RGL1: variants seen among roughly 807,000 people sequenced by gnomAD.
RGL1 encodes ral guanine nucleotide dissociation stimulator like 1.
In RGL1, 24 loss-of-function variants were observed where a neutral mutation model predicts 95.2. That is an observed-to-expected ratio of 0.25 (90% CI 0.18 to 0.35). The LOEUF (loss-of-function observed/expected upper bound fraction) is 0.35. RGL1 is among the 10% of genes least tolerant of loss of function. RGL1 has a pLI of 1.00. For synonymous variants in RGL1, 329 were observed against 344.9 expected, an observed-to-expected ratio of 0.95 and a Z score of 0.51; for missense variants, 715 against 936.3, an observed-to-expected ratio of 0.76 and a Z score of 3.08.
intron 1 of RGL1, among the ~76,000 whole-genome samples, chr1:183,738,105 A>G (rs1411924187): frequency 1.3e-5 from 2 of 152,176 alleles, no homozygotes; most frequent in Non-Finnish European, 2.9e-5. Flanking sequence ...GTTGTCTTGT[A>G]AGCCTTGACT....
In RGL1 at chr1:183,742,311, C is replaced by G. The variant is rs372779103; in HGVS notation, c.132+22C>G. The G allele has an allele frequency of 1.9e-6, 3 of 1,613,534 alleles. No individual in the cohort carries two copies. The East Asian group carries it at 6.7e-5, about 36-fold the overall frequency. On this transcript the variant is annotated intron_variant, in intron 2 of 18. Coordinates refer to the RGL1 transcript ENST00000304685. ...GGAGGTAAGATGACTCTAAATGACA[C>G]AGTTGGTGAAATGTTGGATTTGTTT...
In RGL1 at chr1:183,669,144, A is replaced by G. The variant is rs529442475; in HGVS notation, c.-33+32643A>G. Among the ~76,000 whole-genome samples, 75 of 151,956 alleles carry G rather than the reference A, an allele frequency of 4.9e-4. 1 individual carries two copies. In the South Asian group the frequency reaches 0.015, roughly 30 times the overall value. On this transcript the variant is annotated intron_variant, in intron 1 of 18. Transcript: ENST00000304685. ...TTTTTAGTAGAGATGGGGTTTCACC[A>G]TGTTGGCCAGGATGGTCTCAATCTC...
At chr1:183,906,096 G>A (rs181309992) in intron 13 of RGL1, among the ~76,000 whole-genome samples, 13 of 151,836 alleles carry the variant, frequency 8.6e-5, no homozygotes, top group African/African-American at 2.9e-4. Context: ...GAAATTGACA[G>A]CAAAATAAGT....
At chr1:183,864,362 AAGAGAAG>A (rs1409422439) in intron 3 of RGL1, among the ~76,000 whole-genome samples, 1 of 152,242 alleles carries the variant, frequency 6.6e-6, no homozygotes, top group African/African-American at 2.4e-5. Flanking sequence ...GAGAGATGGC[AAGAGAAG>A]AGTTTATGGA....
chr1:183,814,867 C>T (rs990449373), intron 2 of RGL1, among the ~76,000 whole-genome samples: 4 of 152,104 alleles, frequency 2.6e-5, no homozygotes, highest in Non-Finnish European at 4.4e-5. Flanking sequence ...AGTCTGTGGA[C>T]AATATTTATC....
chr1:183,699,157 C>T (rs1376831872), intron 1 of RGL1, among the ~76,000 whole-genome samples: 1 of 152,236 alleles, frequency 6.6e-6, no homozygotes, highest in African/African-American at 2.4e-5. Flanking sequence ...AACACATTCA[C>T]TGTGGGGTCA....
At chr1:183,834,173 G>T (rs1302972579) in intron 2 of RGL1, among the ~76,000 whole-genome samples, 1 of 151,692 alleles carries the variant, frequency 6.6e-6, no homozygotes, top group Non-Finnish European at 1.5e-5. Flanking sequence ...TGTATCTCTG[G>T]CTTCCAGCAG....
rs753994818 is a variant in RGL1 at position 183,888,570 on chromosome 1, G to A, written c.1048G>A (p.Val350Ile). 6.8e-6 allele frequency: 11 copies of A among 1,606,370 alleles called. No individual in the cohort carries two copies. Among genetic ancestry groups the A allele is most frequent in the African/African-American group, 6.7e-5 (5 of 74,726 alleles). The stretch of plus-strand genomic sequence containing the variant: ...TCGGTTAAAAAAGACTTGGGCTGCC[G>A]TCCCAAGGTAAGTTCCCAAGTGTTT... ...IYRLKKTWAA[V>I]PRDRMLMFEE... Residue 350 changes from valine (V) to isoleucine (I), a missense_variant, in exon 8 of 18, where the codon GTC (valine) becomes ATC (isoleucine). This residue lies in a region of RGL1 where 381 missense variants were observed against 484.8 expected (regional missense o/e 0.79). Transcript: ENST00000360851.
At chr1:183,923,776 C>T (rs1458410530) in intron 17 of RGL1, among the ~76,000 whole-genome samples, 1 of 152,162 alleles carries the variant, frequency 6.6e-6, no homozygotes, top group Non-Finnish European at 1.5e-5. Context: ...ATGTGGGCAG[C>T]AGCATGGGAC....
intron 1 of RGL1, among the ~76,000 whole-genome samples, chr1:183,669,230 A>C (rs1652272214): frequency 6.6e-6 from 1 of 151,914 alleles, no homozygotes; most frequent in South Asian, 2.1e-4. Context: ...GGACATTTTT[A>C]TTGTTATGTC....
intron 1 of RGL1, 112 bp downstream of exon 1, chr1:183,805,436 T>C: frequency 3.3e-6 from 3 of 922,824 alleles, no homozygotes; most frequent in African/African-American, 1.6e-5. Flanking sequence ...TCCGATTCCA[T>C]ACTTGTGAGC....
intron 14 of RGL1, among the ~76,000 whole-genome samples, chr1:183,910,345 G>T (rs1433528438): frequency 6.6e-6 from 1 of 152,180 alleles, no homozygotes. Flanking sequence ...CAGTCAGCCT[G>T]CCTCGGCCTC....
At chr1:183,693,094 G>A (rs1450023806) in intron 1 of RGL1, among the ~76,000 whole-genome samples, 3 of 151,862 alleles carry the variant, frequency 2.0e-5, no homozygotes, top group Non-Finnish European at 4.4e-5. Flanking sequence ...AGCTGGGACT[G>A]CAGGCGTGTG....
intron 2 of RGL1, among the ~76,000 whole-genome samples, chr1:183,757,094 A>G (rs1658387108): frequency 1.3e-5 from 2 of 151,114 alleles, no homozygotes; most frequent in Admixed American, 6.6e-5. Flanking sequence ...TCTATGTTCA[A>G]TGTTTTACAA....
intron 1 of RGL1, chr1:183,648,898 A>G (rs1337704109): frequency 6.1e-6 from 5 of 814,420 alleles, no homozygotes; most frequent in Non-Finnish European, 7.7e-6. Flanking sequence ...ACTTTCTTTA[A>G]AGGAAGTAGC....
At position 183,732,449 on chromosome 1, in the gene RGL1, C is replaced by T. The variant is rs956549508; in HGVS notation, c.-32-9677C>T. Among the ~76,000 whole-genome samples the T allele has an allele frequency of 6.6e-5, 10 of 152,124 alleles. No homozygotes were observed. In the East Asian group the frequency reaches 9.6e-4, roughly 15 times the overall value. ...TCTGAAACTAAAGCCGACACCCAAC[C>T]GAGTGCTCAAGCCCTACATTCCATC... On this transcript the variant is annotated intron_variant, in intron 1 of 18. Transcript: ENST00000304685.
At chr1:183,653,687 G>A (rs1160628776) in intron 1 of RGL1, among the ~76,000 whole-genome samples, 2 of 152,210 alleles carry the variant, frequency 1.3e-5, no homozygotes, top group African/African-American at 4.8e-5. Context: ...TGAAGGGGGT[G>A]TTTTTGATTC....
intron 2 of RGL1, among the ~76,000 whole-genome samples, chr1:183,806,967 C>T (rs1661387652): frequency 6.6e-6 from 1 of 152,244 alleles, no homozygotes; most frequent in Admixed American, 6.5e-5. Flanking sequence ...TGGTAGATTT[C>T]CTATTGTGAT....
chr1:183,776,759 C>A (rs952377214), intron 2 of RGL1, among the ~76,000 whole-genome samples: 2 of 152,114 alleles, frequency 1.3e-5, no homozygotes, highest in Non-Finnish European at 2.9e-5. Context: ...ACAAGGCTTG[C>A]GAAGAGGGCA....
Sources: gnomAD v4.1 joint callset for allele counts (sites outside exome capture counted in the v4.1 genomes callset) on GRCh38, gnomAD v4.1.1 for gene constraint, gnomAD v4.1.1 regional missense constraint, MANE v1.5 for transcripts, NCBI Gene and HGNC (gene_info 2026-07-23, HGNC 2026-07-21) for gene names.